Variants in ATP6V1H observed in about 807,000 individuals in gnomAD.
ATP6V1H encodes the protein ATPase H+ transporting V1 subunit H.
In ATP6V1H, 39 loss-of-function variants were observed where a neutral mutation model predicts 71.7. The observed-to-expected ratio is 0.54, with a 90% CI of 0.42 to 0.71. The LOEUF is 0.71. ATP6V1H is among the 30% of genes least tolerant of loss of function. The pLI is 0.00. For missense variants in ATP6V1H, 509 were observed against 594.9 expected, an observed-to-expected ratio of 0.86 and a Z score of 1.50; for synonymous variants, 192 against 199.3, an observed-to-expected ratio of 0.96 and a Z score of 0.31.
intron 9 of ATP6V1H, among the ~76,000 whole-genome samples, 190 bp from the exon 10 acceptor site, chr8:53,772,357 T>A (rs1808693614): frequency 6.6e-6 from 1 of 152,172 alleles, no homozygotes; most frequent in South Asian, 2.1e-4. Context: ...GAAGCCTACT[T>A]CTGATCATTT....
rs546033962 is a variant in ATP6V1H, at chr8:53,784,430, T to A, written c.870+11217A>T. ...TCCCTTTATTTTGAGCCTATGTGTGTCTCTGCACGTGAGATGGGTTTCCTG... is the reference window on the plus strand; with the variant it reads ...TCCCTTTATTTTGAGCCTATGTGTGACTCTGCACGTGAGATGGGTTTCCTG... On this transcript the variant is annotated intron_variant, in intron 9 of 13. Coordinates refer to ENST00000359530, the MANE Select transcript of ATP6V1H (RefSeq NM_015941.4). Among the ~76,000 whole-genome samples, 67 of 152,298 alleles carry A rather than the reference T, an allele frequency of 4.4e-4. No individual in the cohort carries two copies. The East Asian group carries it at 9.8e-3, about 22-fold the overall frequency.
intron 4 of ATP6V1H, among the ~76,000 whole-genome samples, chr8:53,819,426 G>A (rs1017604158): frequency 7.6e-4 from 113 of 149,318 alleles, no homozygotes; most frequent in East Asian, 1.6e-3. Context: ...CAGCTACTTC[G>A]GAAGCTGAGG....
intron 6 of ATP6V1H, among the ~76,000 whole-genome samples, chr8:53,814,445 T>A (rs116553454): frequency 6.6e-6 from 1 of 151,742 alleles, no homozygotes; most frequent in Non-Finnish European, 1.5e-5. Flanking sequence ...AAACCCCAAG[T>A]GGCAGAAAAG....
chr8:53,742,398 C>T (rs921519285), intron 13 of ATP6V1H, among the ~76,000 whole-genome samples: 5 of 152,222 alleles, frequency 3.3e-5, no homozygotes, highest in Non-Finnish European at 5.9e-5. Context: ...CTTTTCACCT[C>T]TCATTCCCTC....
At chr8:53,722,498 T>C (rs1034828197) in intron 13 of ATP6V1H, among the ~76,000 whole-genome samples, 2 of 152,204 alleles carry the variant, frequency 1.3e-5, no homozygotes, top group Non-Finnish European at 2.9e-5. Context: ...TTTCTATTTA[T>C]TACAAAGATA....
chr8:53,766,798 G>A (rs570063757), intron 11 of ATP6V1H, among the ~76,000 whole-genome samples: 1 of 152,250 alleles, frequency 6.6e-6, no homozygotes, highest in East Asian at 1.9e-4. Flanking sequence ...GGTCAGACCG[G>A]TTGATCTCAA....
intron 4 of ATP6V1H, among the ~76,000 whole-genome samples, chr8:53,823,389 G>A (rs1167595177): frequency 6.6e-6 from 1 of 151,936 alleles, no homozygotes; most frequent in East Asian, 1.9e-4. Context: ...GCAGAAACTG[G>A]ATTAAGAAAA....
chr8:53,773,654 G>C (rs979469856), intron 9 of ATP6V1H, among the ~76,000 whole-genome samples: 2 of 152,146 alleles, frequency 1.3e-5, no homozygotes, highest in African/African-American at 4.8e-5. Flanking sequence ...GCTAAGGCTG[G>C]GGGGAGCCCC....
chr8:53,755,005 T>C (rs1807951629), intron 12 of ATP6V1H, among the ~76,000 whole-genome samples: 1 of 152,204 alleles, frequency 6.6e-6, no homozygotes, highest in African/African-American at 2.4e-5. Flanking sequence ...GGGCTACCAT[T>C]ATCTCTTCTG....
intron 13 of ATP6V1H, 124 bp from the exon 14 acceptor site, chr8:53,716,148 C>A: frequency 1.4e-6 from 1 of 721,232 alleles, no homozygotes; most frequent in South Asian, 2.3e-5. Context: ...ACTAAAAAGT[C>A]CTAGAAAATT....
chr8:53,829,462 C>A lies in ATP6V1H; in HGVS notation c.288G>T (p.Met96Ile). 1 of 1,604,610 alleles carries A rather than the reference C, an allele frequency of 6.2e-7. No homozygotes were observed. Among genetic ancestry groups the A allele is most frequent in the South Asian group, 1.1e-5 (1 of 89,404 alleles). ...TACCTACCTGCAGCATATCATCCAC[C>A]ATAGTTAGTATATACTGAACGGTCT... ...KEQTVQYILT[M>I]VDDMLQENHQ... Residue 96 changes from methionine (M) to isoleucine (I), a missense_variant, in exon 4 of 14, where the codon ATG becomes ATT. By Grantham distance (10) the Met-to-Ile change is conservative. This residue lies in a region of ATP6V1H where 297 missense variants were observed against 303.3 expected (regional missense o/e 0.98). Transcript: ENST00000359530.
intron 9 of ATP6V1H, among the ~76,000 whole-genome samples, chr8:53,782,133 G>T (rs1349049971): frequency 1.3e-5 from 2 of 152,158 alleles, no homozygotes; most frequent in Non-Finnish European, 2.9e-5. Context: ...ACCTTGGGCA[G>T]TATGGCCATT....
chr8:53,768,565 A>G (rs1004233058), intron 11 of ATP6V1H, among the ~76,000 whole-genome samples: 1 of 152,240 alleles, frequency 6.6e-6, no homozygotes, highest in Admixed American at 6.5e-5. Flanking sequence ...TGAATAAATA[A>G]AATGTGGTCT....
At position 53,812,461 on chromosome 8, in the gene ATP6V1H, C is replaced by G. The variant is rs144362545; in HGVS notation, c.526-1244G>C. ...AGAGAAATATTCCTCCCAGTTGTTG[C>G]ACATCATTACAAGCATAGTCAATCA... On this transcript the variant is annotated intron_variant, in intron 6 of 13. Transcript: ENST00000359530. Among the ~76,000 whole-genome samples the G allele has an allele frequency of 2.2e-3, 338 of 152,266 alleles. 2 individuals are homozygous for G. Among genetic ancestry groups the G allele is most frequent in the African/African-American group, 7.9e-3 (327 of 41,540 alleles).
At chr8:53,741,978 G>A (rs577839609) in intron 13 of ATP6V1H, among the ~76,000 whole-genome samples, 6 of 152,092 alleles carry the variant, frequency 3.9e-5, no homozygotes, top group Non-Finnish European at 7.4e-5. Context: ...TGCACAACCC[G>A]TTCTCCAGGG....
rs531127533 is a variant in ATP6V1H at position 53,775,385 on chromosome 8, G to C, written c.871-3218C>G. Among the ~76,000 whole-genome samples, 384 of 152,270 alleles carry C rather than the reference G, an allele frequency of 2.5e-3. 6 individuals are homozygous for C. Among genetic ancestry groups the C allele is most frequent in the African/African-American group, 8.6e-3 (356 of 41,548 alleles). ...CGGAGCGGGTTGCCAATGCTGGCTC[G>C]GGCAGCCTGCTTTTATTCTCTTATC... On this transcript the variant is annotated intron_variant, in intron 9 of 13. Coordinates refer to ENST00000359530, the MANE Select transcript of ATP6V1H (RefSeq NM_015941.4).
chr8:53,720,358 A>G (rs1327869268), intron 13 of ATP6V1H, among the ~76,000 whole-genome samples: 1 of 152,202 alleles, frequency 6.6e-6, no homozygotes, highest in Non-Finnish European at 1.5e-5. Flanking sequence ...ACTGCTGCAA[A>G]AGAGTTTACA....
At chr8:53,816,401 T>C (rs1254803207) in intron 5 of ATP6V1H, among the ~76,000 whole-genome samples, 2 of 152,144 alleles carry the variant, frequency 1.3e-5, no homozygotes, top group Non-Finnish European at 2.9e-5. Context: ...CCAGTGGAAA[T>C]AGAGAAGTCT....
intron 10 of ATP6V1H, among the ~76,000 whole-genome samples, chr8:53,770,388 A>G (rs572697065): frequency 1.3e-5 from 2 of 152,326 alleles, no homozygotes; most frequent in South Asian, 4.1e-4. Flanking sequence ...TTACAGTAGG[A>G]AAATGTTTAA....
Sources: allele counts gnomAD v4.1 joint callset (sites outside exome capture counted in the v4.1 genomes callset), GRCh38; gene constraint gnomAD v4.1.1; regional missense constraint gnomAD v4.1.1; transcripts MANE v1.5; gene names NCBI Gene and HGNC (gene_info 2026-07-23, HGNC 2026-07-21).